The following LARGE1 variants were observed in gnomAD, a reference collection of about 807,000 sequenced individuals.
LARGE1 encodes the protein LARGE xylosyl- and glucuronyltransferase 1.
Under a neutral mutation model 87.6 loss-of-function variants are expected in LARGE1, and 43 were observed. The observed-to-expected ratio is 0.49, with a 90% CI of 0.38 to 0.63. LARGE1 has a LOEUF of 0.63. Among genes scored for constraint, LARGE1 ranks in the 30% least tolerant of loss-of-function variants. The pLI, the probability that LARGE1 is intolerant of heterozygous loss-of-function variation, is 0.00. For missense variants in LARGE1, 802 were observed against 1,000.2 expected (o/e 0.80, Z 2.67); for synonymous variants, 434 against 394.6 (o/e 1.10, Z -1.18).
chr22:33,528,191 T>C (rs2072009963), intron 6 of LARGE1, among the ~76,000 whole-genome samples: 1 of 151,946 alleles, frequency 6.6e-6, no homozygotes, highest in Non-Finnish European at 1.5e-5. Context: ...AATACAGTAG[T>C]GTCAGCTAAA....
intron 4 of LARGE1, among the ~76,000 whole-genome samples, chr22:33,623,362 G>T (rs527802362): frequency 6.6e-6 from 1 of 152,094 alleles, no homozygotes; most frequent in Non-Finnish European, 1.5e-5. Flanking sequence ...GAAGACAGTA[G>T]GTCAAGCCCC....
chr22:33,888,965 TAA>T (rs2064934105), intron 1 of LARGE1, among the ~76,000 whole-genome samples: 2 of 152,342 alleles, frequency 1.3e-5, no homozygotes, highest in South Asian at 4.1e-4. Flanking sequence ...GTAGCTTACT[TAA>T]AGTCAGTTAC....
Position 33,550,142 on chromosome 22 carries a change from T to TACACACACACACACAC in LARGE1, c.787+14690_787+14705dup, listed in dbSNP as rs5845093. ...CACATGTACCCTAGAACTTAAAGTATACACACACACACACACACACACACA... is the reference window on the plus strand; with the variant it reads ...CACATGTACCCTAGAACTTAAAGTATACACACACACACACACACACACACACACACACACACACACA... On this transcript the variant is annotated intron_variant, in intron 6 of 14. Transcript: ENST00000397394. 6.3e-5 allele frequency among the ~76,000 whole-genome samples: 9 copies of TACACACACACACACAC among 142,342 alleles called. No individual in the cohort carries two copies. The South Asian group carries it at 1.9e-3, about 30-fold the overall frequency. The allele number at this position is 142,342 out of a possible 152,430, so 93.4% of individuals were successfully genotyped here. A position where few individuals can be genotyped will look rare whatever the true frequency, so the allele number is the denominator to read the frequency against.
At chr22:33,758,646 CAA>C (rs1359206974) in intron 2 of LARGE1, among the ~76,000 whole-genome samples, 1 of 152,176 alleles carries the variant, frequency 6.6e-6, no homozygotes, top group East Asian at 1.9e-4. Flanking sequence ...TGAAATTGCT[CAA>C]AGTTAGTGAT....
chr22:33,813,287 G>C (rs1341729565), intron 1 of LARGE1, among the ~76,000 whole-genome samples: 4 of 149,850 alleles, frequency 2.7e-5, no homozygotes, highest in Non-Finnish European at 4.4e-5. Flanking sequence ...GCCACTCTAA[G>C]AATCAACAAG....
chr22:33,574,612 G>T (rs2078297715), intron 5 of LARGE1, among the ~76,000 whole-genome samples: 3 of 151,412 alleles, frequency 2.0e-5, no homozygotes, highest in Admixed American at 2.0e-4. Context: ...CTTGAAAAAT[G>T]GGTTGAAAAT....
intron 7 of LARGE1, among the ~76,000 whole-genome samples, chr22:33,401,918 G>C (rs991221228): frequency 6.6e-6 from 1 of 152,112 alleles, no homozygotes; most frequent in Non-Finnish European, 1.5e-5. Flanking sequence ...TCTCAGCTTT[G>C]GCTAGTCCCT....
At chr22:33,476,595 A>C (rs889537389) in intron 6 of LARGE1, among the ~76,000 whole-genome samples, 7 of 152,214 alleles carry the variant, frequency 4.6e-5, no homozygotes, top group Non-Finnish European at 8.8e-5. Flanking sequence ...TTGGCAAAAT[A>C]AACTTTCTAA....
intron 1 of LARGE1, among the ~76,000 whole-genome samples, chr22:33,832,631 T>C (rs2063004052): frequency 6.6e-6 from 1 of 152,234 alleles, no homozygotes; most frequent in Admixed American, 6.5e-5. Context: ...ATCAGCTGAC[T>C]GTACCCACTG....
chr22:33,123,760 C>T, the LARGE1 span, among the ~76,000 whole-genome samples: 3 of 152,114 alleles, frequency 2.0e-5, no homozygotes, highest in African/African-American at 7.2e-5. Context: ...ACCTTGGAAG[C>T]TCGGATTCAC....
rs79419065 is a variant in LARGE1 at position 33,395,656 on chromosome 22, C to G, written c.893-11352G>C. Among the ~76,000 whole-genome samples the G allele has an allele frequency of 9.0e-3, 1,364 of 152,276 alleles. 21 individuals are homozygous for G. The highest frequency in any genetic ancestry group is 0.031 in the African/African-American group (1,287 of 41,546). On this transcript the variant is annotated intron_variant, in intron 7 of 14. Transcript: ENST00000397394. ...GAATTGGGTTGGTCAATTCAGACCA[C>G]ATACCTCCTTGGCTCAGGAGGAGAA...
chr22:33,542,020 G>C (rs575064648), intron 6 of LARGE1, among the ~76,000 whole-genome samples: 3 of 152,048 alleles, frequency 2.0e-5, no homozygotes, highest in East Asian at 1.9e-4. Context: ...AAATTAGCTG[G>C]GTGTGGTGGC....
At chr22:33,474,477 A>G (rs970798696) in intron 6 of LARGE1, among the ~76,000 whole-genome samples, 1 of 152,186 alleles carries the variant, frequency 6.6e-6, no homozygotes, top group African/African-American at 2.4e-5. Context: ...CTGTCTTTTA[A>G]AAGGCAATAC....
At position 33,316,154 on chromosome 22, in the gene LARGE1, AG is replaced by A; in HGVS notation, c.1381del (p.Leu461CysfsTer64). 1 of 1,614,154 alleles carries A rather than the reference AG, an allele frequency of 6.2e-7. No homozygotes were observed. Among genetic ancestry groups the A allele is most frequent in the Middle Eastern group, 1.6e-4 (1 of 6,062 alleles). ...FTVHRTHLYF[L>X]HYEYEPAADS... ...TGCTGCAGGCTCATACTCGTAGTGC[AG>A]GAAGTACAGGTGGGTGCGGTGGACA... On this transcript the variant is annotated frameshift_variant, in exon 11 of 15. Coordinates refer to ENST00000397394, the MANE Select transcript of LARGE1 (RefSeq NM_133642.5). LOFTEE classifies it high-confidence loss of function.
chr22:33,394,180 C>T (rs533540519), intron 7 of LARGE1, among the ~76,000 whole-genome samples: 1 of 147,428 alleles, frequency 6.8e-6, no homozygotes, highest in South Asian at 2.1e-4. Context: ...AGGAACTTAA[C>T]TTAGATGACC....
intron 1 of LARGE1, among the ~76,000 whole-genome samples, chr22:33,891,033 GCTGCATACGGTTCTGTGCATATGGGA>G (rs1569016145): frequency 1.1e-4 from 1 of 8,824 alleles, no homozygotes; most frequent in African/African-American, 2.6e-3. Context: ...CATATGGGAA[GCTGCATACGGTTCTGTGCATATGGGA>G]AGCTGCATAC....
At chr22:33,269,001 T>C (rs899830467), downstream of LARGE1, among the ~76,000 whole-genome samples, 1 of 152,228 alleles carries the variant, frequency 6.6e-6, no homozygotes, top group Non-Finnish European at 1.5e-5. Flanking sequence ...TGTGTATGCA[T>C]GTTTATTTTT....
chr22:33,086,683 G>T, the LARGE1 span, among the ~76,000 whole-genome samples: 1 of 151,362 alleles, frequency 6.6e-6, no homozygotes, highest in Admixed American at 6.6e-5. Context: ...CTTCCCAGTA[G>T]CTGGGATTAC....
chr22:33,091,566 A>ATAAATAAG, the LARGE1 span, among the ~76,000 whole-genome samples: 334 of 140,318 alleles, frequency 2.4e-3, 4 homozygotes, highest in African/African-American at 8.4e-3. Flanking sequence ...TCTCAAATAA[A>ATAAATAAG]TAAATAAATA....
Sources: allele counts gnomAD v4.1 joint callset (sites outside exome capture counted in the v4.1 genomes callset), GRCh38; gene constraint gnomAD v4.1.1; transcripts MANE v1.5; gene names NCBI Gene and HGNC (gene_info 2026-07-23, HGNC 2026-07-21).